Variants in VSIG10L observed in about 807,000 individuals in gnomAD.
VSIG10L encodes V-set and immunoglobulin domain-containing protein 10-like.
A neutral mutation model predicts 67.3 loss-of-function variants in VSIG10L; 63 were observed. The observed-to-expected ratio is 0.94, with a 90% CI of 0.76 to 1.15. The LOEUF (loss-of-function observed/expected upper bound fraction) is 1.15, where lower values mean the gene tolerates loss of function less well. VSIG10L is among the 50% of genes most tolerant of loss of function. The pLI, the probability that VSIG10L is intolerant of heterozygous loss-of-function variation, is 0.00. For missense variants in VSIG10L, 1,050 were observed against 1,177.5 expected, an observed-to-expected ratio of 0.89 and a Z score of 1.58; for synonymous variants, 499 against 524.9, an observed-to-expected ratio of 0.95 and a Z score of 0.67.
intron 8 of VSIG10L, 45 bp from the exon 9 acceptor site, chr19:51,333,990 CCCAACATG>C: frequency 6.5e-7 from 1 of 1,548,666 alleles, no homozygotes; most frequent in Non-Finnish European, 8.7e-7. Context: ...GATTGGCTGC[CCCAACATG>C]CCAACCCAGC....
At chr19:51,339,205 TC>T in intron 4 of VSIG10L, 63 bp from the exon 5 acceptor site, 1 of 1,261,662 alleles carries the variant, frequency 7.9e-7, no homozygotes, top group South Asian at 3.3e-5. Flanking sequence ...CAGCCCCGCC[TC>T]CCCGCGCGGT....
At chr19:51,337,823 G>C (rs1985522955) in intron 6 of VSIG10L, 107 bp downstream of exon 6, 3 of 1,373,968 alleles carry the variant, frequency 2.2e-6, no homozygotes, top group African/African-American at 1.5e-5. Flanking sequence ...TGGGGGCCTG[G>C]ATCCGAGGTC....
In VSIG10L at chr19:51,338,210, T is replaced by G. The variant is rs747587201; in HGVS notation, c.1730-2A>C. The stretch of plus-strand genomic sequence containing the variant: ...GCAGCAGCACCTCTCGGGGGGCCTC[T>G]GCCGGTGGGAGAAGTCCAGTTAAGA... On this transcript the variant is annotated splice_acceptor_variant, in intron 5 of 9. Coordinates refer to ENST00000335624, the MANE Select transcript of VSIG10L (RefSeq NM_001163922.3). LOFTEE classifies it high-confidence loss of function. 3 of 1,462,782 alleles carry G rather than the reference T, an allele frequency of 2.1e-6. No individual in the cohort carries two copies. Among genetic ancestry groups the G allele is most frequent in the Admixed American group, 2.8e-5 (1 of 35,926 alleles). 90.6% of individuals were successfully genotyped at this position (1,462,782 alleles called of 1,614,324 possible).
chr19:51,338,525 G>A (rs936375624), intron 5 of VSIG10L, among the ~76,000 whole-genome samples: 1 of 152,002 alleles, frequency 6.6e-6, no homozygotes, highest in Non-Finnish European at 1.5e-5. Context: ...ACTGGGTCTT[G>A]CCACACTGCC....
chr19:51,338,576 C>T (rs1046324195), intron 5 of VSIG10L, among the ~76,000 whole-genome samples: 1 of 152,186 alleles, frequency 6.6e-6, no homozygotes, highest in Non-Finnish European at 1.5e-5. Flanking sequence ...AATCCTCCCG[C>T]CCCCAGCTAC....
intron 9 of VSIG10L, among the ~76,000 whole-genome samples, chr19:51,333,042 G>A (rs1157599465): frequency 6.6e-6 from 1 of 151,970 alleles, no homozygotes; most frequent in Non-Finnish European, 1.5e-5. Flanking sequence ...TAGAGATGGG[G>A]TATCCCTATG....
At chr19:51,332,699 C>T (rs1199700345) in intron 9 of VSIG10L, 59 bp from the exon 10 acceptor site, 2 of 1,460,112 alleles carry the variant, frequency 1.4e-6, no homozygotes, top group East Asian at 5.1e-5. Flanking sequence ...TGTGACATAA[C>T]TCACCCGCCT....
intron 9 of VSIG10L, among the ~76,000 whole-genome samples, 199 bp from the exon 10 acceptor site, chr19:51,332,839 T>TTTTATTTATTTATTTATTTA (rs765529298): frequency 3.3e-5 from 5 of 151,890 alleles, no homozygotes; most frequent in African/African-American, 1.2e-4. Flanking sequence ...AGTTGTTATT[T>TTTTATTTATTTATTTATTTA]TTTATTTATT....
intron 4 of VSIG10L, 162 bp downstream of exon 4, chr19:51,339,853 G>T: frequency 2.2e-6 from 2 of 916,722 alleles, no homozygotes; most frequent in Non-Finnish European, 2.9e-6. Context: ...CCCACCACGG[G>T]TATCCCAGCT....
At position 51,340,256 on chromosome 19, in the gene VSIG10L, G is replaced by A. The variant is rs1287617804; in HGVS notation, c.1233C>T (p.Asp411=). The A allele has an allele frequency of 1.4e-5, 21 of 1,513,760 alleles. No homozygotes were observed. Among genetic ancestry groups the A allele is most frequent in the Non-Finnish European group, 1.8e-5 (21 of 1,138,486 alleles). The allele number at this position is 1,513,760 out of a possible 1,614,324, so 93.8% of individuals were successfully genotyped here. The change falls in exon 4 of 10, where the codon GAC becomes GAT. Residue 411 remains aspartate, a synonymous_variant. Transcript: ENST00000335624. This position sits in a 1 kb window ranked among gnomAD's most constrained non-coding sequence, Gnocchi z 6.3. ...CGGTGACAAAGCGGGCAGGCGCGGCGTCGCGGTCCGAGGAGACCGTGATGG... is the reference window on the plus strand; with the variant it reads ...CGGTGACAAAGCGGGCAGGCGCGGCATCGCGGTCCGAGGAGACCGTGATGG... The part of the protein sequence containing the change: ...PPTITVSSDR[D]AAPARFVTAG...
chr19:51,339,889 T>TGGCCC (rs1985579806), intron 4 of VSIG10L, 126 bp downstream of exon 4: 11 of 802,358 alleles, frequency 1.4e-5, no homozygotes, highest in Non-Finnish European at 1.6e-5. Flanking sequence ...GCCCTCCCGC[T>TGGCCC]GGCCCTGCCC....
In VSIG10L at chr19:51,341,174, C is replaced by G; in HGVS notation, c.874G>C (p.Glu292Gln). Residue 292 changes from glutamate to glutamine, a missense_variant, in exon 2 of 10, where the codon GAG becomes CAG. Coordinates refer to ENST00000335624, the MANE Select transcript of VSIG10L (RefSeq NM_001163922.3). ...TTACCATACACACCCACCGTGAACT[C>G]GTGAGTCTGCTGGGAGACCCCTGCC... is the stretch of plus-strand genomic sequence containing the variant. Reference protein sequence around the residue: ...IRAGVSQQTHEFTVGVYEPLP... With the variant: ...IRAGVSQQTHQFTVGVYEPLP... The G allele has an allele frequency of 6.5e-7, 1 of 1,530,954 alleles. No individual in the cohort carries two copies. The highest frequency in any genetic ancestry group is 2.5e-5 in the East Asian group (1 of 40,670). The allele number at this position is 1,530,954 out of a possible 1,614,324, so 94.8% of individuals were successfully genotyped here.
At position 51,341,912 on chromosome 19, in the gene VSIG10L, G is replaced by A. The variant is rs2123561107; in HGVS notation, c.136C>T (p.Gln46Ter). The A allele has an allele frequency of 2.6e-6, 4 of 1,551,698 alleles. No individual in the cohort carries two copies. The highest frequency in any genetic ancestry group is 3.5e-6 in the Non-Finnish European group (4 of 1,146,996). The change falls in exon 2 of 10, where the codon CAG becomes TAG. Residue 46 changes from glutamine to a stop codon, truncating the protein, a stop_gained. Transcript: ENST00000335624. LOFTEE classifies it high-confidence loss of function. ...GAGGGAACTTCCACACCCAGCCCCT[G>A]GGAAGAGCTCTTTGAGTCTGAAGAG... ...AFSSDSKSSS[Q>*]GLGVEVPSIK...
At position 51,340,070 on chromosome 19, in the gene VSIG10L, C is replaced by A; in HGVS notation, c.1419G>T (p.Ala473=). 2 of 1,433,684 alleles carry A rather than the reference C, an allele frequency of 1.4e-6. No homozygotes were observed. The highest frequency in any genetic ancestry group is 2.7e-5 in the South Asian group (2 of 72,984). 88.8% of individuals were successfully genotyped at this position (1,433,684 alleles called of 1,614,324 possible). Residue 473 remains alanine (A), a synonymous_variant, in exon 4 of 10, where the codon GCG becomes GCT. Transcript: ENST00000335624. The surrounding 1 kb of genome is among the most constrained non-coding windows in gnomAD (Gnocchi z 6.3). ...GGCGGCGGCCGGTACGCGGGTTCGC[C>A]GCCAGGCAGGCGTAGGTGCCTGCGT... The part of the protein sequence containing the change: ...PGHAGTYACL[A]ANPRTGRRRR...
chr19:51,339,963 C>A, intron 4 of VSIG10L, 52 bp downstream of exon 4: 9 of 1,219,526 alleles, frequency 7.4e-6, no homozygotes, highest in Non-Finnish European at 9.3e-6. Flanking sequence ...CGCCCTCGTT[C>A]TGGCCCCGCC....
At position 51,342,001 on chromosome 19, in the gene VSIG10L, A is replaced by T; in HGVS notation, c.47T>A (p.Leu16Ter). The change falls in exon 2 of 10, where the codon TTG becomes TAG. Residue 16 changes from leucine (L) to a stop codon, truncating the protein, a stop_gained. Coordinates refer to ENST00000335624, the MANE Select transcript of VSIG10L (RefSeq NM_001163922.3). LOFTEE classifies it high-confidence loss of function. This position sits in a 1 kb window ranked among gnomAD's most constrained non-coding sequence, Gnocchi z 4.4. ...ALPLFLLLAS[L>*]VGILTLRASS... ...GGCTCTGAGGGTGAGGATCCCTACC[A>T]AGGAGGCTGCAGAGAAGAGAGGAAG... 6.4e-7 allele frequency: 1 copy of T among 1,551,682 alleles called. No individual in the cohort carries two copies. The highest frequency in any genetic ancestry group is 8.7e-7 in the Non-Finnish European group (1 of 1,146,954).
chr19:51,334,795 A>T (rs576310302), intron 7 of VSIG10L, among the ~76,000 whole-genome samples: 2 of 151,708 alleles, frequency 1.3e-5, no homozygotes, highest in African/African-American at 4.9e-5. Context: ...TAGAAAAACT[A>T]GCCAGGTGCG....
At position 51,331,989 on chromosome 19, in the gene VSIG10L, G is replaced by A. The variant is rs1985370249; in HGVS notation, c.*622C>T. On this transcript the variant is annotated 3_prime_UTR_variant, in exon 10 of 10. Transcript: ENST00000335624. ...AGTGTTATAAGCACAGCAAACTCTA[G>A]GGGCAAAATAAATTGTGGCTGAGAG... The A allele has an allele frequency of 6.5e-6, 1 of 154,840 alleles. No individual in the cohort carries two copies. 9.6% of individuals were successfully genotyped at this position (154,840 alleles called of 1,614,324 possible).
In VSIG10L at chr19:51,341,748, C is replaced by A; in HGVS notation, c.300G>T (p.Glu100Asp). 1 of 1,551,640 alleles carries A rather than the reference C, an allele frequency of 6.4e-7. No individual in the cohort carries two copies. The highest frequency in any genetic ancestry group is 1.2e-5 in the South Asian group (1 of 84,062). Residue 100 changes from glutamate to aspartate, a missense_variant, in exon 2 of 10, where the codon GAG (glutamate) becomes GAT (aspartate). By Grantham distance (45) the Glu-to-Asp change is conservative. Around this residue, in one of 3 missense-constraint regions of VSIG10L, gnomAD observed 511 missense variants for 557.9 expected, o/e 0.92. Transcript: ENST00000335624. ...SGSFWSNVSA[E>D]GQDLSPVSPF... The stretch of plus-strand genomic sequence containing the variant: ...GGGAAACCGGGCTCAAATCTTGGCC[C>A]TCAGCAGAAACATTTGACCAGAAGG...
Sources: gnomAD v4.1 joint callset for allele counts (sites outside exome capture counted in the v4.1 genomes callset) on GRCh38, gnomAD v4.1.1 for gene constraint, gnomAD v4.1.1 regional missense constraint, Gnocchi (gnomAD v3.1) non-coding constraint, MANE v1.5 for transcripts, NCBI Gene and HGNC (gene_info 2026-07-23, HGNC 2026-07-21) for gene names.